Variants in DCTD observed in about 807,000 individuals in gnomAD.
The protein encoded by DCTD is dCMP deaminase, also known as deoxycytidylate deaminase.
Under a neutral mutation model 21.0 loss-of-function variants are expected in DCTD, and 23 were observed. The ratio of observed to expected loss-of-function variants is 1.09; its 90% CI spans 0.79 to 1.55. DCTD has a LOEUF of 1.55. Ranked by LOEUF, DCTD falls within the 40% of genes most tolerant of loss-of-function variation. The pLI, the probability that DCTD is intolerant of heterozygous loss-of-function variation, is 0.00. For missense variants in DCTD, 224 were observed against 230.0 expected (o/e 0.97, Z 0.17); for synonymous variants, 71 against 81.1 (o/e 0.88, Z 0.67).
At chr4:182,892,741 T>C (rs1734021914) in intron 5 of DCTD, among the ~76,000 whole-genome samples, 1 of 152,250 alleles carries the variant, frequency 6.6e-6, no homozygotes, top group African/African-American at 2.4e-5. Context: ...GCATTCCTAT[T>C]ATAAAACTTG....
Position 182,894,573 on chromosome 4 carries a change from T to A in DCTD, c.277A>T (p.Lys93Ter), listed in dbSNP as rs761223056. The change falls in exon 4 of 6, where the codon AAA (lysine) becomes TAA (stop). Residue 93 changes from lysine (K) to a stop codon, truncating the protein, a stop_gained. Transcript: ENST00000438320. LOFTEE classifies it high-confidence loss of function. ...CHAELNAIMN[K>*]NSTDVKGCSM... ...CAGCCTTTCACATCGGTCGAATTTT[T>A]GTTCATGATGGCATTCAGCTCCGCA... 4.3e-6 allele frequency: 7 copies of A among 1,614,062 alleles called. No homozygotes were observed. The highest frequency in any genetic ancestry group is 8.5e-7 in the Non-Finnish European group (1 of 1,180,002).
At chr4:182,904,686 C>T (rs1736355575) in intron 3 of DCTD, among the ~76,000 whole-genome samples, 1 of 152,124 alleles carries the variant, frequency 6.6e-6, no homozygotes. Context: ...TCTTCTCCCA[C>T]CCCACACAAT....
chr4:182,915,363 TA>T, intron 2 of DCTD, 97 bp downstream of exon 2: 2 of 879,928 alleles, frequency 2.3e-6, no homozygotes, highest in South Asian at 2.8e-5. Context: ...CCTGCACTTT[TA>T]AGTTGACAGG....
chr4:182,913,016 C>T (rs941095950), intron 3 of DCTD, among the ~76,000 whole-genome samples: 2 of 152,248 alleles, frequency 1.3e-5, no homozygotes, highest in Admixed American at 6.5e-5. Context: ...GGCCGTCACA[C>T]AGTTCAATGC....
intron 3 of DCTD, among the ~76,000 whole-genome samples, chr4:182,901,076 G>A (rs10520543): frequency 0.23 from 34,821 of 152,038 alleles, 4,447 homozygotes; most frequent in Non-Finnish European, 0.3. Context: ...AGAGTTCAGC[G>A]TTTTATAGAT....
At chr4:182,908,428 T>A (rs1352099250) in intron 3 of DCTD, among the ~76,000 whole-genome samples, 1 of 152,116 alleles carries the variant, frequency 6.6e-6, no homozygotes, top group African/African-American at 2.4e-5. Flanking sequence ...AAGCCTGTAA[T>A]CCCAGGACTT....
intron 1 of DCTD, among the ~76,000 whole-genome samples, chr4:182,916,116 C>CTGA (rs1302190129): frequency 6.6e-6 from 1 of 152,126 alleles, no homozygotes; most frequent in Non-Finnish European, 1.5e-5. Context: ...AAGAAAACAT[C>CTGA]TGAAGCCTTC....
rs1733724634 is a variant in DCTD at position 182,891,429 on chromosome 4, A to G, written c.507T>C (p.Ile169=). The G allele has an allele frequency of 6.2e-7, 1 of 1,612,350 alleles. No homozygotes were observed. Among genetic ancestry groups the G allele is most frequent in the Non-Finnish European group, 8.5e-7 (1 of 1,178,412 alleles). The part of the protein sequence containing the change: ...CSKIVIDFDS[I]NSRPSQKLQ ...GAAGCTTTTGACTCGGTCTGCTGTT[A>G]ATTGAATCAAAGTCAATGACAATCT... Residue 169 remains isoleucine (I), a synonymous_variant, in exon 6 of 6, where the codon ATT becomes ATC. Transcript: ENST00000438320.
At chr4:182,901,804 T>C (rs1735801584) in intron 3 of DCTD, among the ~76,000 whole-genome samples, 3 of 152,068 alleles carry the variant, frequency 2.0e-5, no homozygotes. Context: ...ACTCAGTAAT[T>C]TACAGGATTT....
Position 182,894,569 on chromosome 4 carries a change from T to A in DCTD, c.281A>T (p.Asn94Ile), listed in dbSNP as rs373155698. The change falls in exon 4 of 6, where the codon AAT becomes ATT. Residue 94 changes from asparagine (N) to isoleucine (I), a missense_variant. Transcript: ENST00000438320. ...ACTACAGCCTTTCACATCGGTCGAA[T>A]TTTTGTTCATGATGGCATTCAGCTC... is the stretch of plus-strand genomic sequence containing the variant. Reference protein sequence around the residue: ...HAELNAIMNKNSTDVKGCSMY... With the variant: ...HAELNAIMNKISTDVKGCSMY... The A allele has an allele frequency of 1.2e-6, 2 of 1,614,012 alleles. No individual in the cohort carries two copies. The highest frequency in any genetic ancestry group is 2.7e-5 in the African/African-American group (2 of 74,938).
intron 3 of DCTD, among the ~76,000 whole-genome samples, chr4:182,902,856 C>G (rs1735993224): frequency 6.6e-6 from 1 of 152,184 alleles, no homozygotes; most frequent in Non-Finnish European, 1.5e-5. Flanking sequence ...AGTAGGACTG[C>G]TGAAGGAGTG....
At chr4:182,897,765 C>G (rs999820123) in intron 3 of DCTD, among the ~76,000 whole-genome samples, 10 of 152,216 alleles carry the variant, frequency 6.6e-5, no homozygotes, top group African/African-American at 2.2e-4. Context: ...CGACCCGCAC[C>G]TGCGGGGCTG....
At chr4:182,898,334 C>T (rs1389182032) in intron 3 of DCTD, among the ~76,000 whole-genome samples, 1 of 152,242 alleles carries the variant, frequency 6.6e-6, no homozygotes, top group Non-Finnish European at 1.5e-5. Flanking sequence ...CACGAGGGCT[C>T]AAGGTCCAAT....
chr4:182,917,416 G>A, upstream of DCTD: 6 of 1,047,846 alleles, frequency 5.7e-6, no homozygotes, highest in Non-Finnish European at 6.9e-6. This position sits in a 1 kb window ranked among gnomAD's most constrained non-coding sequence, Gnocchi z 4.9. Flanking sequence ...GCCGGAAGGG[G>A]GCAGCGGCCC....
rs367989052 is a variant in DCTD, at chr4:182,915,416, CTT to C, written c.108+43_108+44del. ...CCTTTCTGCTCATGTGCAGTAATCT[CTT>C]TGCCTGTGAGTATCTAAGCATTCTC... On this transcript the variant is annotated intron_variant, in intron 2 of 5. Coordinates refer to ENST00000438320, the MANE Select transcript of DCTD (RefSeq NM_001921.3). 115 of 1,274,458 alleles carry C rather than the reference CTT, an allele frequency of 9.0e-5. No individual in the cohort carries two copies. In the African/African-American group the frequency reaches 1.4e-3, roughly 15 times the overall value. The allele number at this position is 1,274,458 out of a possible 1,614,324, so 78.9% of individuals were successfully genotyped here. A position where few individuals can be genotyped will look rare whatever the true frequency, so the allele number is the denominator to read the frequency against.
rs778279392 is a variant in DCTD, at chr4:182,915,052, C to A, written c.115G>T (p.Ala39Ser). Reference sequence around the variant, plus strand: ...TTGTTTTCTGAATTCACGATGCAGGCGCCGACCTAGAAGGAAACATGCCCA... The same window carrying A: ...TTGTTTTCTGAATTCACGATGCAGGAGCCGACCTAGAAGGAAACATGCCCA... ...RSKDPNSQVG[A>S]CIVNSENKIV... Residue 39 changes from alanine to serine, a missense_variant, in exon 3 of 6, where the codon GCC becomes TCC. Physicochemically the swap from Ala to Ser is moderately conservative, Grantham distance 99. Coordinates refer to ENST00000438320, the MANE Select transcript of DCTD (RefSeq NM_001921.3). The A allele has an allele frequency of 4.3e-6, 7 of 1,614,096 alleles. No homozygotes were observed. The highest frequency in any genetic ancestry group is 5.1e-6 in the Non-Finnish European group (6 of 1,180,050).
At chr4:182,902,080 A>G (rs973231102) in intron 3 of DCTD, among the ~76,000 whole-genome samples, 1 of 152,116 alleles carries the variant, frequency 6.6e-6, no homozygotes, top group Non-Finnish European at 1.5e-5. Flanking sequence ...TGGAATTTCA[A>G]CTACTTGTTT....
intron 3 of DCTD, among the ~76,000 whole-genome samples, chr4:182,896,723 G>A (rs1734799212): frequency 6.6e-6 from 1 of 152,176 alleles, no homozygotes. Context: ...GTTTCACGCT[G>A]CTTGGTGTTA....
chr4:182,913,194 C>T (rs774298952), intron 3 of DCTD, among the ~76,000 whole-genome samples: 12 of 152,170 alleles, frequency 7.9e-5, no homozygotes, highest in East Asian at 1.9e-4. Flanking sequence ...TCTGAGTCCG[C>T]GCATTTTTCT....
Sources: allele counts gnomAD v4.1 joint callset (sites outside exome capture counted in the v4.1 genomes callset), GRCh38; gene constraint gnomAD v4.1.1; non-coding constraint Gnocchi (gnomAD v3.1); transcripts MANE v1.5; gene names NCBI Gene and HGNC (gene_info 2026-07-23, HGNC 2026-07-21).